The following PCDH15 variants were observed in gnomAD, a reference collection of about 807,000 sequenced individuals.
The protein encoded by PCDH15 is protocadherin-15.
PCDH15 carries 129 observed loss-of-function variants against 178.5 expected under a neutral mutation model. The ratio of observed to expected loss-of-function variants is 0.72; its 90% CI spans 0.63 to 0.84. PCDH15 has a LOEUF of 0.84. PCDH15 is among the 40% of genes least tolerant of loss of function. The pLI is 0.00. For missense variants in PCDH15, 2,230 were observed against 2,099.9 expected, an observed-to-expected ratio of 1.06 and a Z score of -1.21; for synonymous variants, 800 against 732.0, an observed-to-expected ratio of 1.09 and a Z score of -1.50.
rs190151731 is a variant in PCDH15 at position 53,855,881 on chromosome 10, A to G, written c.3806+1294T>C. ...TTCTGCACATGTATCCCGGAACTTA[A>G]AAGTTAAAAAAAAAGGTGATATGTA... On this transcript the variant is annotated intron_variant, in intron 28 of 37. Transcript: ENST00000644397. 1.5e-3 allele frequency among the ~76,000 whole-genome samples: 163 copies of G among 109,692 alleles called. 1 individual carries two copies. The highest frequency in any genetic ancestry group is 7.1e-3 in the African/African-American group (160 of 22,408). 72.0% of individuals were successfully genotyped at this position (109,692 alleles called of 152,430 possible).
rs1338926977 is a variant in PCDH15 at position 54,796,276 on chromosome 10, A to ATCTG, written c.-29+4648_-29+4649insCAGA. ...TATCTATCTATCTATCTATCTATGT[A>ATCTG]TCTATGTATCTATCTATCTATCTAT... On this transcript the variant is annotated intron_variant, in intron 1 of 37. Coordinates refer to ENST00000644397, the MANE Select transcript of PCDH15 (RefSeq NM_001384140.1). 4.1e-3 allele frequency among the ~76,000 whole-genome samples: 349 copies of ATCTG among 84,508 alleles called. 2 individuals carry two copies. Among genetic ancestry groups the ATCTG allele is most frequent in the Middle Eastern group, 0.024 (4 of 166 alleles). The allele number at this position is 84,508 out of a possible 152,430, so 55.4% of individuals were successfully genotyped here.
intron 2 of PCDH15, among the ~76,000 whole-genome samples, chr10:55,427,083 T>C (rs957228214): frequency 2.6e-5 from 4 of 152,126 alleles, no homozygotes; most frequent in Non-Finnish European, 5.9e-5. Context: ...ATTTTTCGGA[T>C]TGAGGGTGGG....
At chr10:54,241,521 CAA>C (rs889554420) in intron 8 of PCDH15, among the ~76,000 whole-genome samples, 9 of 152,140 alleles carry the variant, frequency 5.9e-5, no homozygotes, top group Non-Finnish European at 1.2e-4. Flanking sequence ...TTTTTGTTAT[CAA>C]GTCAAGAAAC....
chr10:55,269,699 ATAC>A (rs1199278571), intron 1 of PCDH15, among the ~76,000 whole-genome samples: 4 of 152,196 alleles, frequency 2.6e-5, no homozygotes, highest in Non-Finnish European at 5.9e-5. Flanking sequence ...TACAATGGCC[ATAC>A]TGTCCAAAGT....
chr10:54,266,543 A>G (rs1451944183), intron 8 of PCDH15, among the ~76,000 whole-genome samples: 2 of 151,998 alleles, frequency 1.3e-5, no homozygotes, highest in African/African-American at 4.8e-5. Context: ...AGTTTAAACA[A>G]AATTGATAGA....
intron 2 of PCDH15, among the ~76,000 whole-genome samples, chr10:55,113,401 G>GC (rs1837556179): frequency 6.7e-6 from 1 of 150,176 alleles, no homozygotes; most frequent in Non-Finnish European, 1.5e-5. Context: ...GTTTTTACAT[G>GC]CAAGTTCCAT....
chr10:54,709,674 G>A (rs998078196), intron 1 of PCDH15, among the ~76,000 whole-genome samples: 1 of 95,558 alleles, frequency 1.0e-5, no homozygotes, highest in Non-Finnish European at 2.3e-5. Context: ...TATAGTTATG[G>A]GAGTAATGTG....
At chr10:54,601,558 G>A (rs986892155) in intron 2 of PCDH15, among the ~76,000 whole-genome samples, 3 of 152,034 alleles carry the variant, frequency 2.0e-5, no homozygotes, top group African/African-American at 7.2e-5. Flanking sequence ...TGGCCTGGTT[G>A]TGGAGAAGAG....
chr10:54,309,387 TTTAA>T (rs1293342228), intron 8 of PCDH15, among the ~76,000 whole-genome samples: 1 of 151,560 alleles, frequency 6.6e-6, no homozygotes, highest in African/African-American at 2.4e-5. Flanking sequence ...ACCAATATAC[TTTAA>T]TTGAGACTGA....
chr10:55,008,263 C>A (rs1461101827), intron 2 of PCDH15, among the ~76,000 whole-genome samples: 3 of 135,496 alleles, frequency 2.2e-5, no homozygotes, highest in Admixed American at 8.1e-5. Context: ...AAAAAAAAAA[C>A]AACATTCTCA....
intron 21 of PCDH15, among the ~76,000 whole-genome samples, chr10:53,977,170 T>C (rs949302813): frequency 3.3e-5 from 5 of 152,128 alleles, no homozygotes; most frequent in Non-Finnish European, 7.3e-5. Context: ...ACCCTGGCAA[T>C]GCTTTTTGTC....
At chr10:55,568,062 T>C (rs1842337756) in intron 2 of PCDH15, among the ~76,000 whole-genome samples, 2 of 152,018 alleles carry the variant, frequency 1.3e-5, no homozygotes, top group African/African-American at 4.8e-5. Flanking sequence ...TGCAATTCCA[T>C]TTCTAGGTAT....
chr10:54,424,204 T>C (rs530859964), intron 3 of PCDH15, among the ~76,000 whole-genome samples: 38 of 152,000 alleles, frequency 2.5e-4, no homozygotes, highest in Non-Finnish European at 3.8e-4. Context: ...GTGAAGGATA[T>C]GAACAGACAC....
At chr10:54,262,828 T>G (rs1975404) in intron 8 of PCDH15, among the ~76,000 whole-genome samples, 8 of 151,912 alleles carry the variant, frequency 5.3e-5, no homozygotes, top group Non-Finnish European at 8.8e-5. Flanking sequence ...ATGCCTGGAG[T>G]AGCTCAACAA....
intron 25 of PCDH15, among the ~76,000 whole-genome samples, chr10:53,911,613 G>A (rs1564748281): frequency 6.6e-6 from 1 of 152,138 alleles, no homozygotes; most frequent in Non-Finnish European, 1.5e-5. Flanking sequence ...CAGAACTGAA[G>A]GAGATAGAAA....
At chr10:55,271,814 C>A (rs950654755) in intron 1 of PCDH15, among the ~76,000 whole-genome samples, 4 of 152,078 alleles carry the variant, frequency 2.6e-5, no homozygotes, top group African/African-American at 9.7e-5. Flanking sequence ...CGAAACTGAC[C>A]TTTCTAAATT....
At chr10:54,851,238 T>C (rs1156994093) in intron 3 of PCDH15, among the ~76,000 whole-genome samples, 1 of 152,090 alleles carries the variant, frequency 6.6e-6, no homozygotes, top group African/African-American at 2.4e-5. Context: ...CCCATAAATG[T>C]ATATAGCTAC....
chr10:54,348,049 C>T (rs952110777), intron 5 of PCDH15, among the ~76,000 whole-genome samples: 51 of 151,936 alleles, frequency 3.4e-4, no homozygotes, highest in African/African-American at 1.1e-3. Context: ...GGGGTTTCAC[C>T]GCGTTAGCAA....
intron 3 of PCDH15, among the ~76,000 whole-genome samples, chr10:54,840,417 T>G (rs1953398405): frequency 1.3e-5 from 2 of 151,766 alleles, no homozygotes; most frequent in Non-Finnish European, 2.9e-5. Context: ...TAAGGTTTGT[T>G]GTAACCACAA....
Sources: allele counts gnomAD v4.1 joint callset (sites outside exome capture counted in the v4.1 genomes callset), GRCh38; gene constraint gnomAD v4.1.1; transcripts MANE v1.5; gene names NCBI Gene and HGNC (gene_info 2026-07-23, HGNC 2026-07-21).